The following CACNA1E variants were observed in gnomAD, a reference collection of about 807,000 sequenced individuals.
The protein encoded by CACNA1E is calcium voltage-gated channel subunit alpha1 E.
CACNA1E carries 40 observed loss-of-function variants against 259.2 expected under a neutral mutation model. That is an observed-to-expected ratio of 0.15 (90% CI 0.12 to 0.20). The LOEUF is 0.20. Ranked by LOEUF, CACNA1E falls within the 10% of genes least tolerant of loss-of-function variation. The pLI is 1.00. For synonymous variants in CACNA1E, 1,104 were observed against 1,138.5 expected (o/e 0.97, Z 0.61); for missense variants, 1,874 against 3,040.1 (o/e 0.62, Z 9.02).
intron 6 of CACNA1E, among the ~76,000 whole-genome samples, chr1:181,587,111 C>A (rs1652143760): frequency 6.6e-6 from 1 of 152,100 alleles, no homozygotes; most frequent in Non-Finnish European, 1.5e-5. Flanking sequence ...GCTGCAAAGG[C>A]TGGTACGTGG....
At chr1:181,478,131 G>A (rs919507412) in intron 2 of CACNA1E, among the ~76,000 whole-genome samples, 3 of 152,242 alleles carry the variant, frequency 2.0e-5, no homozygotes, top group Non-Finnish European at 4.4e-5. Flanking sequence ...CTCTCTGGGT[G>A]TTCAGATAAC....
intron 3 of CACNA1E, among the ~76,000 whole-genome samples, chr1:181,571,213 G>T (rs1414677072): frequency 1.3e-5 from 2 of 152,150 alleles, no homozygotes; most frequent in Non-Finnish European, 2.9e-5. Flanking sequence ...ATTTCAAAAA[G>T]CCTGACAGCT....
intron 1 of CACNA1E, among the ~76,000 whole-genome samples, chr1:181,496,978 G>T (rs1664811551): frequency 6.6e-6 from 1 of 152,152 alleles, no homozygotes; most frequent in African/African-American, 2.4e-5. Context: ...TGAGTAGGTG[G>T]ATGTGGTAAC....
chr1:181,736,447 C>T lies in CACNA1E; in HGVS notation c.3422+13C>T, dbSNP rs1175956767. 1.1e-5 allele frequency: 17 copies of T among 1,607,764 alleles called. No individual in the cohort carries two copies. The highest frequency in any genetic ancestry group is 2.2e-5 in the South Asian group (2 of 89,480). On this transcript the variant is annotated intron_variant, in intron 22 of 47. Transcript: ENST00000367573. ...GCACCACCAACCCGTAAGCCACCCT[C>T]GCGTTGCTCCCTCTTTAGTGCTAGG...
Position 181,477,036 on chromosome 1 carries a change from T to C in CACNA1E, c.435-6708T>C, listed in dbSNP as rs1021713224. Among the ~76,000 whole-genome samples the C allele has an allele frequency of 2.0e-5, 3 of 152,138 alleles. No homozygotes were observed. In the South Asian group the frequency reaches 6.2e-4, roughly 32 times the overall value. ...TCTGGGCTGAAAGGTGACCTCATCT[T>C]ATGGGAAAGAAAGGCTTGAAGTGGT... On this transcript the variant is annotated intron_variant, in intron 2 of 11. Coordinates refer to the CACNA1E transcript ENST00000524607.
chr1:181,738,816 T>C (rs527767521), intron 24 of CACNA1E, among the ~76,000 whole-genome samples: 2 of 152,330 alleles, frequency 1.3e-5, no homozygotes, highest in Non-Finnish European at 2.9e-5. Flanking sequence ...CCATAGTCTG[T>C]CTTGTTCCCA....
chr1:181,368,444 T>C (rs955052661), intron 1 of CACNA1E, among the ~76,000 whole-genome samples: 1 of 152,200 alleles, frequency 6.6e-6, no homozygotes, highest in Non-Finnish European at 1.5e-5. Flanking sequence ...GAATTAGAAA[T>C]GATCAAAGCT....
intron 2 of CACNA1E, among the ~76,000 whole-genome samples, chr1:181,465,012 T>C (rs556968436): frequency 1.3e-5 from 2 of 152,184 alleles, no homozygotes; most frequent in South Asian, 4.1e-4. Flanking sequence ...ACCATTCTTT[T>C]CTTCCATTTA....
intron 2 of CACNA1E, among the ~76,000 whole-genome samples, chr1:181,478,243 C>CTT (rs1662991453): frequency 6.6e-6 from 1 of 152,186 alleles, no homozygotes; most frequent in Non-Finnish European, 1.5e-5. Flanking sequence ...TTTTAAAACA[C>CTT]TTTAAAACCA....
chr1:181,331,483 A>G (rs1266800548), intron 1 of CACNA1E, among the ~76,000 whole-genome samples: 2 of 152,140 alleles, frequency 1.3e-5, no homozygotes, highest in Admixed American at 6.6e-5. Context: ...AGTGTATCCC[A>G]GCTCCAGGAG....
chr1:181,698,524 G>A (rs1390110975), intron 7 of CACNA1E, among the ~76,000 whole-genome samples: 1 of 152,144 alleles, frequency 6.6e-6, no homozygotes, highest in Admixed American at 6.6e-5. Context: ...TTCAAAGATA[G>A]GTGTAATGAG....
chr1:181,491,188 A>G (rs956079905), intron 1 of CACNA1E, among the ~76,000 whole-genome samples: 8 of 152,180 alleles, frequency 5.3e-5, no homozygotes, highest in Admixed American at 2.6e-4. Flanking sequence ...CTGCTTTTCT[A>G]TCAGCGACCA....
chr1:181,730,803 AG>A (rs1655400501), intron 18 of CACNA1E, among the ~76,000 whole-genome samples: 1 of 152,256 alleles, frequency 6.6e-6, no homozygotes, highest in African/African-American at 2.4e-5. Flanking sequence ...GGGGAGGGGA[AG>A]AAAACTACTC....
intron 1 of CACNA1E, among the ~76,000 whole-genome samples, chr1:181,354,549 TG>T: frequency 6.6e-6 from 1 of 152,274 alleles, no homozygotes; most frequent in Non-Finnish European, 1.5e-5. Context: ...CAGTTTCCTG[TG>T]GTTAGAAGGG....
At chr1:181,711,944 C>T (rs748971866) in intron 8 of CACNA1E, among the ~76,000 whole-genome samples, 10 of 152,038 alleles carry the variant, frequency 6.6e-5, no homozygotes, top group Admixed American at 2.0e-4. Flanking sequence ...ACGTGCTGGC[C>T]GCATTGAGAA....
chr1:181,362,115 G>A (rs1199671213), intron 1 of CACNA1E, among the ~76,000 whole-genome samples: 2 of 152,194 alleles, frequency 1.3e-5, no homozygotes, highest in African/African-American at 4.8e-5. Flanking sequence ...GGTATTAAAT[G>A]AACCTTAATG....
At chr1:181,780,006 G>A (rs1041439653) in intron 38 of CACNA1E, among the ~76,000 whole-genome samples, 10 of 152,312 alleles carry the variant, frequency 6.6e-5, no homozygotes, top group African/African-American at 2.2e-4. Flanking sequence ...CATATGTAAT[G>A]TATGGAGTAT....
chr1:181,581,211 G>GA (rs996798627), intron 6 of CACNA1E, among the ~76,000 whole-genome samples: 100 of 150,966 alleles, frequency 6.6e-4, no homozygotes, highest in African/African-American at 2.3e-3. Context: ...AAAAAGAAAA[G>GA]AAAAAAAAAT....
intron 6 of CACNA1E, among the ~76,000 whole-genome samples, chr1:181,634,162 C>A (rs769177682): frequency 6.6e-6 from 1 of 152,148 alleles, no homozygotes; most frequent in East Asian, 1.9e-4. Context: ...TTATGACTTA[C>A]GTGTCAGTTC....
Sources: allele counts gnomAD v4.1 joint callset (sites outside exome capture counted in the v4.1 genomes callset), GRCh38; gene constraint gnomAD v4.1.1; transcripts MANE v1.5; gene names NCBI Gene and HGNC (gene_info 2026-07-23, HGNC 2026-07-21).